SINHCAF: variants seen among roughly 807,000 people sequenced by gnomAD.
The protein encoded by SINHCAF is SIN3-HDAC complex-associated factor.
Under a neutral mutation model 25.8 loss-of-function variants are expected in SINHCAF, and 3 were observed. That is an observed-to-expected ratio of 0.12 (90% CI 0.05 to 0.30). The LOEUF (loss-of-function observed/expected upper bound fraction) is 0.30, where lower values mean the gene tolerates loss of function less well. SINHCAF is among the 10% of genes least tolerant of loss of function. SINHCAF has a pLI of 1.00. For synonymous variants in SINHCAF, 70 were observed against 85.5 expected (o/e 0.82, Z 1.00); for missense variants, 121 against 262.3 (o/e 0.46, Z 3.72).
intron 1 of SINHCAF, among the ~76,000 whole-genome samples, chr12:31,314,600 ATTTTT>A (rs562515839): frequency 1.7e-4 from 25 of 147,836 alleles, no homozygotes; most frequent in African/African-American, 5.7e-4. Context: ...ACTTCTGAAG[ATTTTT>A]TTTTTTTAAT....
At chr12:31,289,802 T>C (rs139927019) in intron 4 of SINHCAF, among the ~76,000 whole-genome samples, 22,049 of 75,526 alleles carry the variant, frequency 0.29, 2,102 homozygotes, top group Non-Finnish European at 0.36. Context: ...AAATTTGGGT[T>C]TTTTTTTTTT....
intron 4 of SINHCAF, among the ~76,000 whole-genome samples, chr12:31,292,485 C>A (rs960025477): frequency 3.3e-5 from 5 of 149,384 alleles, no homozygotes; most frequent in African/African-American, 1.2e-4. Context: ...GGTGACAGAG[C>A]GAGACCCTGT....
At chr12:31,298,301 C>A (rs759017028) in intron 1 of SINHCAF, 77 bp from the exon 2 acceptor site, 1 of 1,556,016 alleles carries the variant, frequency 6.4e-7, no homozygotes. Context: ...CTCTGCTCCA[C>A]CCCACCCCCA....
At chr12:31,302,900 A>G in intron 1 of SINHCAF, 6 of 982,528 alleles carry the variant, frequency 6.1e-6, no homozygotes, top group Non-Finnish European at 7.3e-6. Context: ...TTACAAATGC[A>G]CAAAGGGTCA....
At chr12:31,298,439 G>T in intron 1 of SINHCAF, 1 of 506,734 alleles carries the variant, frequency 2.0e-6, no homozygotes, top group Admixed American at 3.4e-5. Context: ...TATTTAAGGA[G>T]GACTCTACTA....
intron 4 of SINHCAF, among the ~76,000 whole-genome samples, chr12:31,289,608 G>A (rs1938219684): frequency 1.3e-5 from 2 of 152,116 alleles, no homozygotes; most frequent in Admixed American, 6.6e-5. Context: ...GTACTGCCAC[G>A]TCACAGCAAG....
At chr12:31,322,889 A>C (rs777332036) in intron 1 of SINHCAF, among the ~76,000 whole-genome samples, 5 of 152,212 alleles carry the variant, frequency 3.3e-5, no homozygotes, top group Non-Finnish European at 7.3e-5. Context: ...AGAAGCATCC[A>C]TGTGTCAAAC....
intron 1 of SINHCAF, among the ~76,000 whole-genome samples, chr12:31,323,032 C>A (rs1236385704): frequency 1.3e-5 from 2 of 152,104 alleles, no homozygotes; most frequent in Admixed American, 6.6e-5. Flanking sequence ...TAGCCGTTAC[C>A]CTGTGTCATC....
chr12:31,296,943 G>C lies in SINHCAF; in HGVS notation c.128+1134C>G, dbSNP rs1350018349. 2.9e-4 allele frequency: 123 copies of C among 417,956 alleles called. 1 individual carries two copies. The highest frequency in any genetic ancestry group is 7.2e-5 in the Non-Finnish European group (15 of 207,972). The allele number at this position is 417,956 out of a possible 1,614,324, so 25.9% of individuals were successfully genotyped here. ...CCAGCTACTCGAGAGGCTCAGACGGGAGGATCACTTGAGCCCAAAAGTTCA... is the reference window on the plus strand; with the variant it reads ...CCAGCTACTCGAGAGGCTCAGACGGCAGGATCACTTGAGCCCAAAAGTTCA... On this transcript the variant is annotated intron_variant, in intron 2 of 5. Transcript: ENST00000337682.
rs1939898144 is a variant in SINHCAF at position 31,324,950 on chromosome 12, C to A, written c.-21+1074G>T. The A allele has an allele frequency of 2.2e-6, 1 of 456,284 alleles. No homozygotes were observed. Among genetic ancestry groups the A allele is most frequent in the African/African-American group, 2.0e-5 (1 of 50,104 alleles). The allele number at this position is 456,284 out of a possible 1,614,324, so 28.3% of individuals were successfully genotyped here. The stretch of plus-strand genomic sequence containing the variant: ...ATCATCAGCAAACCACATTGTCCTG[C>A]CGGCCGGACCTGCCCGACGGCGGCC... On this transcript the variant is annotated intron_variant, in intron 1 of 5. Coordinates refer to ENST00000337682, the MANE Select transcript of SINHCAF (RefSeq NM_001135812.2). This position sits in a 1 kb window ranked among gnomAD's most constrained non-coding sequence, Gnocchi z 5.5.
At chr12:31,294,458 C>G (rs757066280) in intron 3 of SINHCAF, among the ~76,000 whole-genome samples, 1 of 152,038 alleles carries the variant, frequency 6.6e-6, no homozygotes, top group African/African-American at 2.4e-5. Flanking sequence ...GGTCTTCAGG[C>G]CTATTCTTTA....
At position 31,297,962 on chromosome 12, in the gene SINHCAF, A is replaced by G. The variant is rs1938614958; in HGVS notation, c.128+115T>C. 12 of 1,068,214 alleles carry G rather than the reference A, an allele frequency of 1.1e-5. No individual in the cohort carries two copies. The East Asian group carries it at 2.9e-4, about 26-fold the overall frequency. 66.2% of individuals were successfully genotyped at this position (1,068,214 alleles called of 1,614,324 possible). On this transcript the variant is annotated intron_variant, in intron 2 of 5. Transcript: ENST00000337682. ...GCAGGAGACTTACACAGCCTAAATTAGAATAAGTGATTTTTATTATTAGCA... is the reference window on the plus strand; with the variant it reads ...GCAGGAGACTTACACAGCCTAAATTGGAATAAGTGATTTTTATTATTAGCA...
Position 31,325,087 on chromosome 12 carries a change from G to T in SINHCAF, c.-21+937C>A. 1 of 456,758 alleles carries T rather than the reference G, an allele frequency of 2.2e-6. No individual in the cohort carries two copies. Among genetic ancestry groups the T allele is most frequent in the Non-Finnish European group, 4.4e-6 (1 of 226,978 alleles). The allele number at this position is 456,758 out of a possible 1,614,324, so 28.3% of individuals were successfully genotyped here. On this transcript the variant is annotated intron_variant, in intron 1 of 5. Transcript: ENST00000337682. This position sits in a 1 kb window ranked among gnomAD's most constrained non-coding sequence, Gnocchi z 5.9. ...AAAGCAGTGCCCTGCGGAGTTCACT[G>T]ACTCCCGCGGCGTACACAACGCCGC...
At chr12:31,309,180 G>A (rs1173624573) in intron 1 of SINHCAF, among the ~76,000 whole-genome samples, 1 of 151,414 alleles carries the variant, frequency 6.6e-6, no homozygotes, top group Non-Finnish European at 1.5e-5. Flanking sequence ...ATTTGGTATG[G>A]CAGACAGGTG....
rs749941708 is a variant in SINHCAF, at chr12:31,295,228, A to T, written c.228+6T>A. 6.4e-7 allele frequency: 1 copy of T among 1,571,774 alleles called. No individual in the cohort carries two copies. ...TATAATTGAGAAAAAAGAAAGATGG[A>T]CTAACATGATTCCAGTTTTTTTTTG... On this transcript the variant is annotated splice_donor_region_variant and intron_variant, in intron 3 of 5. Transcript: ENST00000337682.
At chr12:31,291,885 A>T (rs893786473) in intron 4 of SINHCAF, among the ~76,000 whole-genome samples, 3 of 152,210 alleles carry the variant, frequency 2.0e-5, no homozygotes, top group African/African-American at 7.2e-5. Flanking sequence ...ATATATAAAA[A>T]TTCACATGTT....
intron 4 of SINHCAF, among the ~76,000 whole-genome samples, chr12:31,290,580 T>A (rs962988535): frequency 1.3e-5 from 2 of 152,080 alleles, no homozygotes; most frequent in African/African-American, 2.4e-5. Context: ...AAAAAATGAG[T>A]CTAGTGGGAT....
At chr12:31,296,920 A>C in intron 2 of SINHCAF, 1 of 393,766 alleles carries the variant, frequency 2.5e-6, no homozygotes, top group Non-Finnish European at 5.0e-6. Flanking sequence ...CTGTAGTCCC[A>C]GCTACTCGAG....
chr12:31,303,898 C>A (rs1483186197), intron 1 of SINHCAF: 2 of 152,134 alleles, frequency 1.3e-5, no homozygotes, highest in Non-Finnish European at 2.9e-5. Flanking sequence ...CCTCTTGTAA[C>A]CATTTAGCTT....
Sources: gnomAD v4.1 joint callset for allele counts (sites outside exome capture counted in the v4.1 genomes callset) on GRCh38, gnomAD v4.1.1 for gene constraint, Gnocchi (gnomAD v3.1) non-coding constraint, MANE v1.5 for transcripts, NCBI Gene and HGNC (gene_info 2026-07-23, HGNC 2026-07-21) for gene names.